The following REPS2 variants were observed in gnomAD, a reference collection of about 807,000 sequenced individuals.
REPS2 encodes ralBP1-associated Eps domain-containing protein 2.
In REPS2, 23 loss-of-function variants were observed where a neutral mutation model predicts 53.6. The ratio of observed to expected loss-of-function variants is 0.43; its 90% CI spans 0.31 to 0.61. REPS2 has a LOEUF of 0.61. REPS2 is among the 20% of genes least tolerant of loss of function. The probability of loss-of-function intolerance (pLI) is 0.11; values close to 1 mark genes in which losing one functional copy is unlikely to be tolerated. For synonymous variants in REPS2, 238 were observed against 218.6 expected, an observed-to-expected ratio of 1.09 and a Z score of -0.78; for missense variants, 446 against 534.9, an observed-to-expected ratio of 0.83 and a Z score of 1.64.
intron 14 of REPS2, among the ~76,000 whole-genome samples, chrX:17,114,287 A>T (rs1004171368): frequency 8.9e-6 from 1 of 112,261 alleles, no homozygotes; most frequent in Middle Eastern, 4.2e-3. Context: ...GTCTAAAGGG[A>T]TCGCTTAGGT....
At chrX:17,115,594 C>T in intron 14 of REPS2, among the ~76,000 whole-genome samples, 1 of 111,941 alleles carries the variant, frequency 8.9e-6, no homozygotes. Flanking sequence ...AGGTCTTTCT[C>T]TTCCCACGAG....
chrX:17,061,867 CTT>C (rs1010635969), intron 8 of REPS2, among the ~76,000 whole-genome samples: 1 of 112,263 alleles, frequency 8.9e-6, no homozygotes, highest in Admixed American at 9.4e-5. Flanking sequence ...TAATGTGATT[CTT>C]TTTTTCTTTG....
chrX:17,015,084 C>T (rs2061473429), intron 2 of REPS2, among the ~76,000 whole-genome samples: 2 of 112,903 alleles, frequency 1.8e-5, no homozygotes, highest in Admixed American at 1.9e-4. Context: ...ATACCAATAA[C>T]ACCTGCCTTA....
At chrX:17,131,566 G>A (rs1805965656) in intron 14 of REPS2, among the ~76,000 whole-genome samples, 1 of 112,072 alleles carries the variant, frequency 8.9e-6, no homozygotes, top group Admixed American at 9.4e-5. Context: ...TCAGTATGAT[G>A]TAGAAGTCAC....
At position 16,946,711 on chromosome X, in the gene REPS2, G is replaced by A. The variant is rs1476201462; in HGVS notation, c.-151G>A. 1 of 612,797 alleles carries A rather than the reference G, an allele frequency of 1.6e-6. No homozygotes were observed. Among genetic ancestry groups the A allele is most frequent in the Non-Finnish European group, 1.9e-6 (1 of 513,301 alleles). 50.5% of individuals were successfully genotyped at this position (612,797 alleles called of 1,213,427 possible). On this transcript the variant is annotated 5_prime_UTR_variant, in exon 1 of 18. Coordinates refer to ENST00000357277, the MANE Select transcript of REPS2 (RefSeq NM_004726.3). Reference sequence around the variant, plus strand: ...GCGCGCCGGGAGGAAGCGGCCGCGCGGCAGCTGCGGGGCGTGGGGGTGGTG... The same window carrying A: ...GCGCGCCGGGAGGAAGCGGCCGCGCAGCAGCTGCGGGGCGTGGGGGTGGTG...
the REPS2 span, among the ~76,000 whole-genome samples, chrX:17,187,441 C>G: frequency 8.9e-6 from 1 of 111,788 alleles, no homozygotes; most frequent in Non-Finnish European, 1.9e-5. Flanking sequence ...GGAATGTGCC[C>G]GGAATGCAGC....
At chrX:17,103,968 G>A (rs2062840325) in intron 14 of REPS2, among the ~76,000 whole-genome samples, 189 bp downstream of exon 14, 1 of 111,244 alleles carries the variant, frequency 9.0e-6, no homozygotes, top group Non-Finnish European at 1.9e-5. Flanking sequence ...ATGTGGAAGA[G>A]AGAAAGTTTC....
intron 13 of REPS2, among the ~76,000 whole-genome samples, chrX:17,086,145 A>G (rs1386361861): frequency 3.6e-5 from 4 of 111,105 alleles, no homozygotes; most frequent in Admixed American, 1.9e-4. Context: ...CACATTCTGT[A>G]TTTTGCTGAT....
chrX:17,120,903 A>G lies in REPS2; in HGVS notation c.1579-12921A>G, dbSNP rs191852054. Among the ~76,000 whole-genome samples the G allele has an allele frequency of 9.1e-4, 102 of 112,081 alleles. 1 individual carries two copies. Among genetic ancestry groups the G allele is most frequent in the Non-Finnish European group, 1.7e-3 (92 of 53,189 alleles). On this transcript the variant is annotated intron_variant, in intron 14 of 17. Coordinates refer to ENST00000357277, the MANE Select transcript of REPS2 (RefSeq NM_004726.3). ...AGTCTTGAGAATCCTGCCATAGATC[A>G]AAAGAATGGCAATGAGAAGAACCAG...
the REPS2 span, among the ~76,000 whole-genome samples, chrX:17,170,136 G>C: frequency 8.9e-6 from 1 of 112,700 alleles, no homozygotes; most frequent in Non-Finnish European, 1.9e-5. Flanking sequence ...TTGCCCTGAT[G>C]AATGTTGGCA....
chrX:16,982,660 A>G (rs982147716), intron 1 of REPS2, among the ~76,000 whole-genome samples: 9 of 112,060 alleles, frequency 8.0e-5, no homozygotes, highest in Non-Finnish European at 1.7e-4. Context: ...ATTTATTACC[A>G]TCAACTTTGG....
intron 1 of REPS2, among the ~76,000 whole-genome samples, chrX:16,958,564 T>C (rs2060624446): frequency 8.9e-6 from 1 of 111,942 alleles, no homozygotes; most frequent in Non-Finnish European, 1.9e-5. Flanking sequence ...ATGTCGTTGC[T>C]GGAGCTGTGA....
chrX:17,084,263 T>A (rs1034152959), intron 13 of REPS2, among the ~76,000 whole-genome samples: 5 of 112,373 alleles, frequency 4.4e-5, no homozygotes, highest in Non-Finnish European at 3.8e-5. Flanking sequence ...TTCATTCCTT[T>A]TATGGCTGAA....
chrX:17,100,096 CAT>C, intron 13 of REPS2: 1 of 1,019,592 alleles, frequency 9.8e-7, no homozygotes. Context: ...TTGTCTATCT[CAT>C]GTGCTGTTTT....
At chrX:17,064,908 A>G (rs753009215) in intron 9 of REPS2, among the ~76,000 whole-genome samples, 2 of 112,421 alleles carry the variant, frequency 1.8e-5, no homozygotes, top group South Asian at 7.2e-4. Context: ...GTATTCTTTC[A>G]CTTAGTATAA....
intron 14 of REPS2, among the ~76,000 whole-genome samples, chrX:17,117,426 T>TCC (rs1346727073): frequency 2.7e-5 from 3 of 109,241 alleles, no homozygotes; most frequent in African/African-American, 1.0e-4. Context: ...CCTCCCCTCT[T>TCC]CCCCCACCCC....
intron 1 of REPS2, among the ~76,000 whole-genome samples, chrX:16,978,880 T>G (rs2060987620): frequency 9.0e-6 from 1 of 111,360 alleles, no homozygotes; most frequent in African/African-American, 3.3e-5. Flanking sequence ...GGAAAAGCAA[T>G]GTCGATTCTA....
intron 6 of REPS2, among the ~76,000 whole-genome samples, chrX:17,050,380 G>A (rs1442807299): frequency 9.6e-6 from 1 of 104,198 alleles, no homozygotes; most frequent in Admixed American, 1.1e-4. Context: ...TAGAGAGGAG[G>A]TCTCACTATG....
chrX:16,953,100 AACACAC>A (rs68090119), intron 1 of REPS2, among the ~76,000 whole-genome samples: 993 of 97,243 alleles, frequency 0.01, 17 homozygotes, highest in African/African-American at 0.032. Context: ...CCAAAAAACA[AACACAC>A]ACACACACAC....
Sources: allele counts gnomAD v4.1 joint callset (sites outside exome capture counted in the v4.1 genomes callset), GRCh38; gene constraint gnomAD v4.1.1; transcripts MANE v1.5; gene names NCBI Gene and HGNC (gene_info 2026-07-23, HGNC 2026-07-21).